The following PDXDC1 variants were observed in gnomAD, a reference collection of about 807,000 sequenced individuals.
The protein encoded by PDXDC1 is pyridoxal dependent decarboxylase domain containing 1, also known as pyridoxal-dependent decarboxylase domain-containing protein 1.
In PDXDC1, 42 loss-of-function variants were observed where a neutral mutation model predicts 100.1. The observed-to-expected ratio is 0.42, with a 90% CI of 0.33 to 0.54. The LOEUF (loss-of-function observed/expected upper bound fraction) is 0.54. Among genes scored for constraint, PDXDC1 ranks in the 20% least tolerant of loss-of-function variants. The pLI is 0.10. For synonymous variants in PDXDC1, 260 were observed against 371.7 expected (o/e 0.70, Z 3.46); for missense variants, 636 against 979.2 (o/e 0.65, Z 4.68).
chr16:15,145,840 G>C, the PDXDC1 span, among the ~76,000 whole-genome samples: 1 of 152,260 alleles, frequency 6.6e-6, no homozygotes, highest in East Asian at 1.9e-4. Flanking sequence ...GTGCAGGCCA[G>C]GCCCAGACGG....
chr16:14,978,826 T>G (rs1220621621), intron 1 of PDXDC1, among the ~76,000 whole-genome samples: 1 of 152,304 alleles, frequency 6.6e-6, no homozygotes, highest in Non-Finnish European at 1.5e-5. Flanking sequence ...ATTCTGTCCT[T>G]GAGCAAACTT....
intron 16 of PDXDC1, among the ~76,000 whole-genome samples, chr16:15,056,532 T>C (rs762511937): frequency 1.3e-5 from 2 of 152,122 alleles, no homozygotes; most frequent in African/African-American, 2.4e-5. Context: ...TCCCAGCACT[T>C]TGGGGGGCCG....
chr16:14,979,428 T>G (rs1444399960), intron 1 of PDXDC1, among the ~76,000 whole-genome samples: 1 of 152,288 alleles, frequency 6.6e-6, no homozygotes, highest in South Asian at 2.1e-4. Flanking sequence ...TAGCTGGGAT[T>G]ACAGGCACCC....
In PDXDC1 at chr16:15,030,130, C is replaced by T; in HGVS notation, c.1399+74C>T. Reference sequence around the variant, plus strand: ...GGTAGATTAGCTTGCCCTTATGATACTCCATTCTCCTAGAGTTATTAGCAG... The same window carrying T: ...GGTAGATTAGCTTGCCCTTATGATATTCCATTCTCCTAGAGTTATTAGCAG... On this transcript the variant is annotated intron_variant, in intron 16 of 22. Transcript: ENST00000396410. 3 of 1,227,758 alleles carry T rather than the reference C, an allele frequency of 2.4e-6. No individual in the cohort carries two copies. The South Asian group carries it at 4.0e-5, about 16-fold the overall frequency. 76.1% of individuals were successfully genotyped at this position (1,227,758 alleles called of 1,614,324 possible).
intron 16 of PDXDC1, among the ~76,000 whole-genome samples, chr16:15,074,493 C>A (rs1046918526): frequency 1.3e-5 from 2 of 152,166 alleles, no homozygotes; most frequent in African/African-American, 2.4e-5. Flanking sequence ...TCTTTCAATA[C>A]AACAATCAGT....
chr16:15,063,178 A>C, intron 16 of PDXDC1: 1 of 1,514,808 alleles, frequency 6.6e-7, no homozygotes, highest in Non-Finnish European at 9.2e-7. Flanking sequence ...GAGTGTGCTC[A>C]ATCAATCACA....
At chr16:15,151,424 CAAAAAAAAAAAA>C in the PDXDC1 span, among the ~76,000 whole-genome samples, 2 of 14,444 alleles carry the variant, frequency 1.4e-4, no homozygotes, top group Admixed American at 1.1e-3. Context: ...GACTCCGTCT[CAAAAAAAAAAAA>C]AAAAAAAAAA....
At chr16:15,134,993 G>T (rs1445043092) in intron 16 of PDXDC1, 3 of 424,220 alleles carry the variant, frequency 7.1e-6, no homozygotes, top group Non-Finnish European at 1.3e-5. Context: ...GCTGGGGACA[G>T]TGGCTGCCTC....
chr16:15,023,884 C>T (rs1351317541), intron 13 of PDXDC1, among the ~76,000 whole-genome samples: 33 of 152,386 alleles, frequency 2.2e-4, no homozygotes, highest in Admixed American at 7.8e-4. Context: ...ATTTTCTTTC[C>T]AAGCTTGACT....
downstream of PDXDC1, chr16:15,041,164 C>T (rs757907841): frequency 5.3e-5 from 64 of 1,208,102 alleles, no homozygotes; most frequent in Non-Finnish European, 7.7e-5. Context: ...TAAAGAAATA[C>T]CAAATGATTA....
chr16:15,030,567 A>AAAG (rs1304028488), intron 16 of PDXDC1, among the ~76,000 whole-genome samples: 1 of 149,916 alleles, frequency 6.7e-6, no homozygotes, highest in Non-Finnish European at 1.5e-5. Context: ...AAAAAAAAAA[A>AAAG]AAGTCATCAC....
At chr16:15,069,786 C>T (rs2045143922) in intron 16 of PDXDC1, among the ~76,000 whole-genome samples, 1 of 152,188 alleles carries the variant, frequency 6.6e-6, no homozygotes, top group South Asian at 2.1e-4. Context: ...CAGGGCTCAG[C>T]CTCACCTCTG....
At chr16:15,034,218 G>A in intron 19 of PDXDC1, 68 bp from the exon 20 acceptor site, 1 of 1,368,636 alleles carries the variant, frequency 7.3e-7, no homozygotes, top group Non-Finnish European at 1.0e-6. Context: ...TCAGTGCTGT[G>A]TTACTAGCTC....
intron 8 of PDXDC1, among the ~76,000 whole-genome samples, chr16:15,014,200 C>G (rs1397554020): frequency 2.1e-5 from 3 of 139,814 alleles, no homozygotes; most frequent in Admixed American, 1.6e-4. Flanking sequence ...GGGTGAGACT[C>G]TGTCTCAAAA....
At chr16:15,132,374 G>GAGGGGGAGGGGAGGGGTTAGGGGAGGGA (rs2048139873) in intron 16 of PDXDC1, among the ~76,000 whole-genome samples, 1 of 32,886 alleles carries the variant, frequency 3.0e-5, no homozygotes, top group Admixed American at 3.1e-4. Context: ...CAAGGGGAGG[G>GAGGGGGAGGGGAGGGGTTAGGGGAGGGA]AGGGGGAGGG....
chr16:15,130,936 G>A (rs868085204), intron 16 of PDXDC1: 31 of 706,582 alleles, frequency 4.4e-5, no homozygotes, highest in South Asian at 6.6e-5. Context: ...CTGCTTCTCC[G>A]TGGCCCCCAG....
In PDXDC1 at chr16:15,032,937, A is replaced by C. The variant is rs1301833838; in HGVS notation, c.1648A>C (p.Lys550Gln). Residue 550 changes from lysine to glutamine, a missense_variant, in exon 18 of 23, where the codon AAG becomes CAG. Physicochemically the swap from Lys to Gln is moderately conservative, Grantham distance 53. Around this residue, in one of 4 missense-constraint regions of PDXDC1, gnomAD observed 452 missense variants for 402.9 expected, o/e 1.12. Coordinates refer to ENST00000396410, the MANE Select transcript of PDXDC1 (RefSeq NM_015027.4). ...EGENIHAGLL[K>Q]KLNELESDLT... Reference sequence around the variant, plus strand: ...GGAAAACATCCATGCTGGACTCCTGAAGAAGTTAAATGAACTGGAATCTGA... The same window carrying C: ...GGAAAACATCCATGCTGGACTCCTGCAGAAGTTAAATGAACTGGAATCTGA... 1.9e-6 allele frequency: 3 copies of C among 1,610,874 alleles called. No homozygotes were observed. The highest frequency in any genetic ancestry group is 2.5e-6 in the Non-Finnish European group (3 of 1,176,960).
chr16:15,025,047 C>T (rs1394885345), intron 13 of PDXDC1, among the ~76,000 whole-genome samples: 2 of 152,306 alleles, frequency 1.3e-5, no homozygotes, highest in Non-Finnish European at 2.9e-5. Flanking sequence ...TTTCTGTTTC[C>T]TCTTCTTTGT....
intron 16 of PDXDC1, among the ~76,000 whole-genome samples, chr16:15,070,652 T>G (rs1597902233): frequency 6.6e-6 from 1 of 152,106 alleles, no homozygotes; most frequent in Non-Finnish European, 1.5e-5. Context: ...TCAAGTCCTA[T>G]GGTGAATAAT....
Sources: gnomAD v4.1 joint callset for allele counts (sites outside exome capture counted in the v4.1 genomes callset) on GRCh38, gnomAD v4.1.1 for gene constraint, gnomAD v4.1.1 regional missense constraint, MANE v1.5 for transcripts, NCBI Gene and HGNC (gene_info 2026-07-23, HGNC 2026-07-21) for gene names.